The following SNAPC4 variants were observed in gnomAD, a reference collection of about 807,000 sequenced individuals.
SNAPC4 encodes the protein small nuclear RNA activating complex polypeptide 4, also known as snRNA-activating protein complex subunit 4.
A neutral mutation model predicts 151.3 loss-of-function variants in SNAPC4; 127 were observed. The ratio of observed to expected loss-of-function variants is 0.84; its 90% CI spans 0.73 to 0.97. The LOEUF (loss-of-function observed/expected upper bound fraction) is 0.97. Among genes scored for constraint, SNAPC4 ranks in the 50% least tolerant of loss-of-function variants. SNAPC4 has a pLI of 0.00. For missense variants in SNAPC4, 2,186 were observed against 1,935.0 expected (o/e 1.13, Z -2.43); for synonymous variants, 1,002 against 824.4 (o/e 1.22, Z -3.69).
chr9:136,396,493 T>C (rs1834279044), intron 3 of SNAPC4, among the ~76,000 whole-genome samples: 1 of 152,200 alleles, frequency 6.6e-6, no homozygotes, highest in Non-Finnish European at 1.5e-5. Flanking sequence ...CACAGCTCAC[T>C]GGAGCCTCGG....
At position 136,378,827 on chromosome 9, in the gene SNAPC4, G is replaced by A. The variant is rs763853512; in HGVS notation, c.3000C>T (p.Ala1000=). Residue 1000 remains alanine, a synonymous_variant, in exon 22 of 24, where the codon GCC becomes GCT. Coordinates refer to ENST00000684778, the MANE Select transcript of SNAPC4 (RefSeq NM_003086.4). The part of the protein sequence containing the change: ...APVFSEAEGT[A]PAASQAPALG... Reference sequence around the variant, plus strand: ...GGGCAGGGGCTTGGGAAGCAGCAGGGGCTGTGCCCTCGGCCTCTGAGAAGA... The same window carrying A: ...GGGCAGGGGCTTGGGAAGCAGCAGGAGCTGTGCCCTCGGCCTCTGAGAAGA... 2 of 1,600,566 alleles carry A rather than the reference G, an allele frequency of 1.2e-6. No homozygotes were observed. Among genetic ancestry groups the A allele is most frequent in the Non-Finnish European group, 1.7e-6 (2 of 1,173,738 alleles).
intron 10 of SNAPC4, 135 bp from the exon 11 acceptor site, chr9:136,388,726 T>G: frequency 1.1e-6 from 1 of 951,360 alleles, no homozygotes; most frequent in Non-Finnish European, 1.6e-6. Context: ...GCTCTCCTCC[T>G]CCCAGACTCC....
Position 136,382,352 on chromosome 9 carries a change from C to A in SNAPC4, c.1984-16G>T, listed in dbSNP as rs1833730011. On this transcript the variant is annotated splice_polypyrimidine_tract_variant and intron_variant, in intron 16 of 23. Coordinates refer to ENST00000684778, the MANE Select transcript of SNAPC4 (RefSeq NM_003086.4). Reference sequence around the variant, plus strand: ...GCCTCCCACCCTGATGAGAAAGCTGCCTGAGGCGAGGCACGCGGGGTGTAC... The same window carrying A: ...GCCTCCCACCCTGATGAGAAAGCTGACTGAGGCGAGGCACGCGGGGTGTAC... 1 of 1,611,970 alleles carries A rather than the reference C, an allele frequency of 6.2e-7. No homozygotes were observed. The highest frequency in any genetic ancestry group is 1.7e-5 in the Admixed American group (1 of 59,968).
intron 3 of SNAPC4, among the ~76,000 whole-genome samples, chr9:136,396,286 A>G (rs1834271017): frequency 6.6e-6 from 1 of 152,204 alleles, no homozygotes; most frequent in Non-Finnish European, 1.5e-5. Flanking sequence ...ACATGAGGAA[A>G]CTCAGTACCC....
chr9:136,386,089 G>T (rs1256412126), intron 13 of SNAPC4, among the ~76,000 whole-genome samples: 2 of 151,556 alleles, frequency 1.3e-5, no homozygotes, highest in Non-Finnish European at 2.9e-5. Context: ...AAAGAGGCTG[G>T]ACCATTTTAC....
chr9:136,388,313 G>A (rs1833958701), intron 11 of SNAPC4, 131 bp downstream of exon 11: 2 of 823,076 alleles, frequency 2.4e-6, no homozygotes, highest in East Asian at 5.6e-5. Context: ...GAAGCGAACT[G>A]TGGAACAGCC....
chr9:136,395,485 G>A, intron 4 of SNAPC4, 62 bp from the exon 5 acceptor site: 1 of 1,586,368 alleles, frequency 6.3e-7, no homozygotes, highest in African/African-American at 1.3e-5. Flanking sequence ...TCCCTGCGGA[G>A]GAGACCCGGG....
rs890398151 is a variant in SNAPC4, at chr9:136,383,038, C to T, written c.1983+148G>A. 1 of 1,303,108 alleles carries T rather than the reference C, an allele frequency of 7.7e-7. No homozygotes were observed. 80.7% of individuals were successfully genotyped at this position (1,303,108 alleles called of 1,614,324 possible). ...GGCTTCCCCAACAGTCCCCCCGACG[C>T]ACAGCTGTCCAGAGCTCAGCCAGAA... On this transcript the variant is annotated intron_variant, in intron 16 of 23. Coordinates refer to ENST00000684778, the MANE Select transcript of SNAPC4 (RefSeq NM_003086.4). This position sits in a 1 kb window ranked among gnomAD's most constrained non-coding sequence, Gnocchi z 4.2.
chr9:136,398,271 C>T, intron 2 of SNAPC4, 28 bp downstream of exon 2: 1 of 1,598,616 alleles, frequency 6.3e-7, no homozygotes, highest in Non-Finnish European at 8.6e-7. Context: ...TTACCAGGAC[C>T]CCAGGAGGCT....
chr9:136,396,984 G>A lies in SNAPC4; in HGVS notation c.170C>T (p.Pro57Leu), dbSNP rs773993107. 2.2e-5 allele frequency: 35 copies of A among 1,612,774 alleles called. No individual in the cohort carries two copies. The highest frequency in any genetic ancestry group is 6.6e-5 in the South Asian group (6 of 91,068). ...PSEDLDPADPPISEEERWGEA... is the reference protein window; with the variant it reads ...PSEDLDPADPLISEEERWGEA... ...GATCAGGCCAACAGTTACCGAGATCGGGGGATCGGCAGGATCCAAGTCCTC... is the reference window on the plus strand; with the variant it reads ...GATCAGGCCAACAGTTACCGAGATCAGGGGATCGGCAGGATCCAAGTCCTC... Residue 57 changes from proline to leucine, a missense_variant, in exon 3 of 24, where the codon CCG (proline) becomes CTG (leucine). Physicochemically the swap from Pro to Leu is moderately conservative, Grantham distance 98. Coordinates refer to ENST00000684778, the MANE Select transcript of SNAPC4 (RefSeq NM_003086.4).
In SNAPC4 at chr9:136,379,879, G is replaced by C. The variant is rs545344457; in HGVS notation, c.2500-15C>G. Reference sequence around the variant, plus strand: ...CTTGAGGATGCCTGGAAATGAAAGAGAGGAGAGTCAGCAGCTCAGGTGTCC... The same window carrying C: ...CTTGAGGATGCCTGGAAATGAAAGACAGGAGAGTCAGCAGCTCAGGTGTCC... On this transcript the variant is annotated splice_polypyrimidine_tract_variant and intron_variant, in intron 20 of 23. Transcript: ENST00000684778. 1.2e-6 allele frequency: 2 copies of C among 1,611,946 alleles called. No individual in the cohort carries two copies. The highest frequency in any genetic ancestry group is 2.2e-5 in the East Asian group (1 of 44,798).
intron 2 of SNAPC4, 76 bp from the exon 3 acceptor site, chr9:136,397,099 C>G (rs1376225492): frequency 7.8e-7 from 1 of 1,285,622 alleles, no homozygotes; most frequent in Non-Finnish European, 1.1e-6. Flanking sequence ...ACCACTGCTT[C>G]TTGGGCAGAC....
At chr9:136,379,978 A>G (rs1833628275) in intron 20 of SNAPC4, 114 bp from the exon 21 acceptor site, 2 of 1,427,980 alleles carry the variant, frequency 1.4e-6, no homozygotes, top group East Asian at 2.4e-5. Context: ...CGAGGCCCCA[A>G]GGGCTGGTGC....
intron 9 of SNAPC4, 32 bp downstream of exon 9, chr9:136,392,490 C>A: frequency 6.2e-7 from 1 of 1,606,688 alleles, no homozygotes; most frequent in Non-Finnish European, 8.5e-7. Context: ...GTGCTCCAAG[C>A]TGCTTGGGGC....
chr9:136,393,123 G>A (rs1473799207), intron 7 of SNAPC4, among the ~76,000 whole-genome samples: 1 of 152,206 alleles, frequency 6.6e-6, no homozygotes, highest in Admixed American at 6.5e-5. Context: ...GGTGCCCAGT[G>A]AGGAGGCCAG....
Position 136,395,709 on chromosome 9 carries a change from G to C in SNAPC4, c.239C>G (p.Pro80Arg), listed in dbSNP as rs201209973. The change falls in exon 4 of 24, where the codon CCT becomes CGT. Residue 80 changes from proline to arginine, a missense_variant. Transcript: ENST00000684778. ...DEDDPKDKTL[P>R]EDPETCLQLN... is the part of the protein sequence containing the mutation. Reference sequence around the variant, plus strand: ...CTGCAGGCAGGTTTCTGGGTCTTCAGGGAGGGTTTTATCCTTGGGATCGTC... The same window carrying C: ...CTGCAGGCAGGTTTCTGGGTCTTCACGGAGGGTTTTATCCTTGGGATCGTC... 1.7e-5 allele frequency: 27 copies of C among 1,613,476 alleles called. No individual in the cohort carries two copies. The highest frequency in any genetic ancestry group is 6.7e-5 in the East Asian group (3 of 44,900).
chr9:136,398,353 AG>A lies in SNAPC4; in HGVS notation c.75del (p.Ser26ArgfsTer64), dbSNP rs773086896. 10 of 1,613,790 alleles carry A rather than the reference AG, an allele frequency of 6.2e-6. No homozygotes were observed. The highest frequency in any genetic ancestry group is 8.5e-6 in the Non-Finnish European group (10 of 1,179,882). On this transcript the variant is annotated frameshift_variant, in exon 2 of 24. Coordinates refer to ENST00000684778, the MANE Select transcript of SNAPC4 (RefSeq NM_003086.4). LOFTEE classifies it high-confidence loss of function. ...KELERILDPG[S>X]SGSHVEISES... ...TCTGAGATCTCCACGTGGGAGCCCGAGGAGCCGGGATCCAAAATCCTTTCCA... is the reference window on the plus strand; with the variant it reads ...TCTGAGATCTCCACGTGGGAGCCCGAGAGCCGGGATCCAAAATCCTTTCCA...
chr9:136,398,293 G>T lies in SNAPC4; in HGVS notation c.130+6C>A. ...GACCCCAGGAGGCTAGGTACAAGGG[G>T]CTTACCTGCTTCAGAATCTGACTCG... On this transcript the variant is annotated splice_donor_region_variant and intron_variant, in intron 2 of 23. Transcript: ENST00000684778. 6.2e-7 allele frequency: 1 copy of T among 1,612,356 alleles called. No individual in the cohort carries two copies. The highest frequency in any genetic ancestry group is 1.1e-5 in the South Asian group (1 of 91,008).
intron 1 of SNAPC4, among the ~76,000 whole-genome samples, chr9:136,399,396 C>T (rs988374054): frequency 1.3e-5 from 2 of 152,200 alleles, no homozygotes; most frequent in African/African-American, 4.8e-5. Flanking sequence ...AGTTAACAGC[C>T]GGCCAGAGGC....
Sources: allele counts gnomAD v4.1 joint callset (sites outside exome capture counted in the v4.1 genomes callset), GRCh38; gene constraint gnomAD v4.1.1; non-coding constraint Gnocchi (gnomAD v3.1); transcripts MANE v1.5; gene names NCBI Gene and HGNC (gene_info 2026-07-23, HGNC 2026-07-21).